The following NR3C1 variants were observed in gnomAD, a reference collection of about 807,000 sequenced individuals.
NR3C1 encodes the protein nuclear receptor subfamily 3 group C member 1.
In NR3C1, 14 loss-of-function variants were observed where a neutral mutation model predicts 74.0. The observed-to-expected ratio is 0.19, with a 90% CI of 0.12 to 0.30. The LOEUF (loss-of-function observed/expected upper bound fraction) is 0.30. Among genes scored for constraint, NR3C1 ranks in the 10% least tolerant of loss-of-function variants. The pLI is 1.00. For missense variants in NR3C1, 695 were observed against 909.8 expected, an observed-to-expected ratio of 0.76 and a Z score of 3.04; for synonymous variants, 308 against 332.5, an observed-to-expected ratio of 0.93 and a Z score of 0.80.
chr5:143,377,253 G>A (rs1184949881), intron 2 of NR3C1, among the ~76,000 whole-genome samples: 1 of 152,164 alleles, frequency 6.6e-6, no homozygotes, highest in African/African-American at 2.4e-5. Flanking sequence ...TTGGCAGACA[G>A]GAAGGGGATG....
intron 1 of NR3C1, among the ~76,000 whole-genome samples, chr5:143,430,378 A>G (rs1175815599): frequency 3.9e-5 from 6 of 152,322 alleles, no homozygotes; most frequent in African/African-American, 1.2e-4. Context: ...ATTTTCTTCT[A>G]CATATTTTTC....
chr5:143,404,296 C>G (rs1214111715), upstream of NR3C1: 2 of 985,534 alleles, frequency 2.0e-6, no homozygotes, highest in Non-Finnish European at 2.4e-6. Context: ...CTCGGCCGCG[C>G]TCGGGGCCGG....
chr5:143,387,649 C>T (rs534137861), intron 2 of NR3C1, among the ~76,000 whole-genome samples: 1 of 152,234 alleles, frequency 6.6e-6, no homozygotes, highest in African/African-American at 2.4e-5. Context: ...ATGGCTAACA[C>T]CTACTTAACT....
intron 2 of NR3C1, among the ~76,000 whole-genome samples, chr5:143,320,762 C>T (rs1187827323): frequency 6.6e-6 from 1 of 152,074 alleles, no homozygotes; most frequent in East Asian, 1.9e-4. Flanking sequence ...AGAATTAATC[C>T]AGTTTGGTCA....
chr5:143,334,737 A>AAG (rs1379648904), intron 2 of NR3C1, among the ~76,000 whole-genome samples: 1 of 152,076 alleles, frequency 6.6e-6, no homozygotes, highest in East Asian at 1.9e-4. Flanking sequence ...AAAAAAAAAA[A>AAG]AAGAATTAAG....
chr5:143,387,812 A>G (rs1040421712), intron 2 of NR3C1, among the ~76,000 whole-genome samples: 27 of 152,220 alleles, frequency 1.8e-4, no homozygotes, highest in African/African-American at 6.5e-4. Flanking sequence ...AAGCTGAAGA[A>G]AGATATTTTG....
chr5:143,279,590 T>A lies in NR3C1; in HGVS notation c.*2299A>T, dbSNP rs72542766. 3.4e-4 allele frequency: 168 copies of A among 496,042 alleles called. 1 individual carries two copies. Among genetic ancestry groups the A allele is most frequent in the African/African-American group, 3.0e-3 (149 of 49,852 alleles). 30.7% of individuals were successfully genotyped at this position (496,042 alleles called of 1,614,324 possible). A position where few individuals can be genotyped will look rare whatever the true frequency, so the allele number is the denominator to read the frequency against. ...TTCAAAAAGCAAATGATTGTTTTTTTATTAAATAATTTCTCCAAAATACTG... is the reference window on the plus strand; with the variant it reads ...TTCAAAAAGCAAATGATTGTTTTTTAATTAAATAATTTCTCCAAAATACTG... On this transcript the variant is annotated 3_prime_UTR_variant, in exon 9 of 9. Coordinates refer to ENST00000394464, the MANE Select transcript of NR3C1 (RefSeq NM_000176.3).
At chr5:143,394,192 T>A (rs192647682) in intron 2 of NR3C1, among the ~76,000 whole-genome samples, 3 of 152,110 alleles carry the variant, frequency 2.0e-5, no homozygotes, top group Non-Finnish European at 1.5e-5. Flanking sequence ...AATACTTGGG[T>A]TACTCTGAAA....
At position 143,280,950 on chromosome 5, in the gene NR3C1, T is replaced by C. The variant is rs1266226251; in HGVS notation, c.*939A>G. ...TATAGCCATTGCAAAAATAGGGCGT[T>C]AGGTACAGACAGGGCCTCTTGGTAG... On this transcript the variant is annotated 3_prime_UTR_variant, in exon 9 of 9. Coordinates refer to ENST00000394464, the MANE Select transcript of NR3C1 (RefSeq NM_000176.3). The C allele has an allele frequency of 2.0e-5, 3 of 152,156 alleles. No homozygotes were observed. Among genetic ancestry groups the C allele is most frequent in the Non-Finnish European group, 4.4e-5 (3 of 68,014 alleles). 9.4% of individuals were successfully genotyped at this position (152,156 alleles called of 1,614,324 possible). A position where few individuals can be genotyped will look rare whatever the true frequency, so the allele number is the denominator to read the frequency against.
At chr5:143,405,007 GGGGAA>G, upstream of NR3C1, 8 of 552,232 alleles carry the variant, frequency 1.4e-5, no homozygotes, top group African/African-American at 2.0e-5. Flanking sequence ...CTCAGTCCAA[GGGGAA>G]GGGAACTCGT....
intron 2 of NR3C1, among the ~76,000 whole-genome samples, chr5:143,356,480 T>G (rs1262567945): frequency 6.6e-6 from 1 of 152,112 alleles, no homozygotes; most frequent in Non-Finnish European, 1.5e-5. Context: ...CAAGCCCAAA[T>G]AGCAGAGCAA....
At position 143,278,420 on chromosome 5, in the gene NR3C1, G is replaced by A. The variant is rs1340713750; in HGVS notation, c.*3469C>T. On this transcript the variant is annotated 3_prime_UTR_variant, in exon 9 of 9. Transcript: ENST00000394464. ...TTCATCAGAAAATAAAATCCTTTCA[G>A]ACATTTTCTAGAGAGAAGCAAATCC... 6.6e-6 allele frequency: 1 copy of A among 152,128 alleles called. No individual in the cohort carries two copies. The highest frequency in any genetic ancestry group is 1.5e-5 in the Non-Finnish European group (1 of 68,008). 9.4% of individuals were successfully genotyped at this position (152,128 alleles called of 1,614,324 possible).
At chr5:143,333,793 CAAACAAA>C (rs961047249) in intron 2 of NR3C1, among the ~76,000 whole-genome samples, 5 of 151,928 alleles carry the variant, frequency 3.3e-5, no homozygotes, top group Admixed American at 6.6e-5. Context: ...AACAAACAAA[CAAACAAA>C]AAACTATTGC....
At chr5:143,295,643 A>C (rs992058766) in intron 6 of NR3C1, 53 bp from the exon 7 acceptor site, 18 of 1,482,718 alleles carry the variant, frequency 1.2e-5, no homozygotes, top group South Asian at 7.9e-5. Flanking sequence ...ACTTCCCCCC[A>C]AAAAGCACAT....
chr5:143,353,608 A>G lies in NR3C1; in HGVS notation c.1185-39440T>C, dbSNP rs186613741. On this transcript the variant is annotated intron_variant, in intron 2 of 8. Coordinates refer to ENST00000394464, the MANE Select transcript of NR3C1 (RefSeq NM_000176.3). ...CTTGGGTGAGCCCAGGTGCACTGTC[A>G]ATGAACAGCAATATTTTGAAAGTAA... Among the ~76,000 whole-genome samples, 971 of 152,298 alleles carry G rather than the reference A, an allele frequency of 6.4e-3. 13 individuals carry two copies. Among genetic ancestry groups the G allele is most frequent in the African/African-American group, 0.021 (887 of 41,556 alleles).
intron 4 of NR3C1, among the ~76,000 whole-genome samples, chr5:143,305,766 A>C (rs1245540387): frequency 6.6e-6 from 1 of 152,190 alleles, no homozygotes; most frequent in Non-Finnish European, 1.5e-5. Context: ...ACAGGTTAAA[A>C]AGCACCTGTT....
At chr5:143,407,165 A>G (rs1841141264), upstream of NR3C1, 1 of 152,248 alleles carries the variant, frequency 6.6e-6, no homozygotes, top group Non-Finnish European at 1.5e-5. Context: ...CTATCTTGTC[A>G]TAGCTTTATG....
At chr5:143,404,305 G>A, upstream of NR3C1, 1 of 985,292 alleles carries the variant, frequency 1.0e-6, no homozygotes, top group South Asian at 4.7e-5. Context: ...GCTCGGGGCC[G>A]GGCGGCCTGA....
At chr5:143,419,659 G>C (rs1458691953) in intron 1 of NR3C1, among the ~76,000 whole-genome samples, 1 of 152,186 alleles carries the variant, frequency 6.6e-6, no homozygotes. Flanking sequence ...GTGGGTCACA[G>C]AGATCACGCG....
Sources: allele counts gnomAD v4.1 joint callset (sites outside exome capture counted in the v4.1 genomes callset), GRCh38; gene constraint gnomAD v4.1.1; transcripts MANE v1.5; gene names NCBI Gene and HGNC (gene_info 2026-07-23, HGNC 2026-07-21).